Variants in INPP4A observed in about 807,000 individuals in gnomAD.
INPP4A encodes the protein inositol polyphosphate-4-phosphatase, type I, 107kD.
Under a neutral mutation model 119.8 loss-of-function variants are expected in INPP4A, and 33 were observed. That is an observed-to-expected ratio of 0.28 (90% CI 0.21 to 0.37). INPP4A has a LOEUF of 0.37. Ranked by LOEUF, INPP4A falls within the 10% of genes least tolerant of loss-of-function variation. The pLI, the probability that INPP4A is intolerant of heterozygous loss-of-function variation, is 1.00. For missense variants in INPP4A, 956 were observed against 1,289.9 expected, an observed-to-expected ratio of 0.74 and a Z score of 3.97; for synonymous variants, 496 against 500.7, an observed-to-expected ratio of 0.99 and a Z score of 0.12.
Position 98,470,885 on chromosome 2 carries a change from C to G in INPP4A, c.-166+25800C>G, listed in dbSNP as rs533118473. Among the ~76,000 whole-genome samples the G allele has an allele frequency of 3.3e-5, 5 of 152,250 alleles. No homozygotes were observed. In the East Asian group the frequency reaches 9.7e-4, roughly 29 times the overall value. On this transcript the variant is annotated intron_variant, in intron 1 of 24. Coordinates refer to ENST00000409851, the MANE Select transcript of INPP4A (RefSeq NM_001134225.2). The stretch of plus-strand genomic sequence containing the variant: ...GTTTCACCATGTTAGCCAGGCTGAT[C>G]TCGAACTCCTGACCTGGTGATCCAC...
At chr2:98,508,948 T>C (rs145679264) in intron 1 of INPP4A, among the ~76,000 whole-genome samples, 94 of 152,148 alleles carry the variant, frequency 6.2e-4, no homozygotes, top group African/African-American at 2.1e-3. Context: ...GAACACTGGG[T>C]TGATTCACCT....
At chr2:98,461,113 C>T (rs1697072392) in intron 1 of INPP4A, among the ~76,000 whole-genome samples, 1 of 152,144 alleles carries the variant, frequency 6.6e-6, no homozygotes, top group Admixed American at 6.5e-5. Flanking sequence ...ACAGTCAAGC[C>T]TGTGAGCCAG....
At chr2:98,454,520 G>C (rs1182191912) in intron 1 of INPP4A, among the ~76,000 whole-genome samples, 3 of 152,068 alleles carry the variant, frequency 2.0e-5, no homozygotes, top group African/African-American at 7.2e-5. Context: ...ACATAGGAGA[G>C]GGCTGTGAAC....
At chr2:98,511,163 G>A (rs6542806) in intron 1 of INPP4A, among the ~76,000 whole-genome samples, 36,738 of 151,864 alleles carry the variant, frequency 0.24, 4,888 homozygotes, top group African/African-American at 0.34. Context: ...GGGTTAAAGC[G>A]ATTCTTCTGC....
chr2:98,556,869 A>G (rs1397312783), intron 16 of INPP4A, among the ~76,000 whole-genome samples: 1 of 152,076 alleles, frequency 6.6e-6, no homozygotes, highest in African/African-American at 2.4e-5. Flanking sequence ...CCATCTCTCC[A>G]TCTATGGGGG....
chr2:98,457,594 C>T (rs761498213), intron 1 of INPP4A, among the ~76,000 whole-genome samples: 4 of 152,214 alleles, frequency 2.6e-5, no homozygotes, highest in Non-Finnish European at 4.4e-5. Context: ...GTGAACCTAA[C>T]TTAATTGACT....
In INPP4A at chr2:98,466,394, C is replaced by G. The variant is rs559106779; in HGVS notation, c.-166+21309C>G. 1.3e-3 allele frequency among the ~76,000 whole-genome samples: 196 copies of G among 152,376 alleles called. 1 individual carries two copies. The highest frequency in any genetic ancestry group is 4.5e-3 in the African/African-American group (186 of 41,586). On this transcript the variant is annotated intron_variant, in intron 1 of 24. Coordinates refer to ENST00000409851, the MANE Select transcript of INPP4A (RefSeq NM_001134225.2). Reference sequence around the variant, plus strand: ...CTGTAGAGCACTCACTGTGCACCAGCACCTGTTGGCTCAAGGGGGTGACAG... The same window carrying G: ...CTGTAGAGCACTCACTGTGCACCAGGACCTGTTGGCTCAAGGGGGTGACAG...
intron 8 of INPP4A, among the ~76,000 whole-genome samples, 195 bp from the exon 9 acceptor site, chr2:98,538,696 T>G (rs540170482): frequency 1.3e-5 from 2 of 152,374 alleles, no homozygotes; most frequent in Non-Finnish European, 2.9e-5. Flanking sequence ...TAGAGAATTG[T>G]GTGCGCATGA....
chr2:98,551,154 C>T (rs1404893902), intron 13 of INPP4A, among the ~76,000 whole-genome samples: 2 of 152,264 alleles, frequency 1.3e-5, no homozygotes, highest in African/African-American at 4.8e-5. Flanking sequence ...TGGGGTCTCA[C>T]GATGTTGCCC....
intron 4 of INPP4A, among the ~76,000 whole-genome samples, chr2:98,522,235 C>T (rs1351607404): frequency 6.8e-6 from 1 of 147,534 alleles, no homozygotes; most frequent in African/African-American, 2.5e-5. Flanking sequence ...TGCAGTGAGC[C>T]GAGATTGCAC....
chr2:98,575,538 T>C (rs1698270348), intron 23 of INPP4A, among the ~76,000 whole-genome samples: 1 of 152,218 alleles, frequency 6.6e-6, no homozygotes, highest in Admixed American at 6.5e-5. Flanking sequence ...TGTTATTTTT[T>C]TTTCTTTCTT....
intron 1 of INPP4A, among the ~76,000 whole-genome samples, chr2:98,445,300 C>G (rs976684584): frequency 1.3e-5 from 2 of 152,048 alleles, no homozygotes; most frequent in Admixed American, 1.3e-4. Flanking sequence ...CCCCCAGCCC[C>G]GTGAAGACGC....
At chr2:98,507,332 G>T (rs1046959644) in intron 1 of INPP4A, among the ~76,000 whole-genome samples, 2 of 152,162 alleles carry the variant, frequency 1.3e-5, no homozygotes, top group Non-Finnish European at 2.9e-5. Context: ...CTAAACAAAA[G>T]AGTTTATGAC....
rs369986599 is a variant in INPP4A, at chr2:98,566,041, C to T, written c.2292C>T (p.Asn764=). ...PVITGNRDGF[N]VRVPLPGPLF... is the part of the protein sequence containing the mutation. Reference sequence around the variant, plus strand: ...CACCTTTCTCCAGCGACGGGTTTAACGTGCGGGTCCCTCTGCCGGGCCCGC... The same window carrying T: ...CACCTTTCTCCAGCGACGGGTTTAATGTGCGGGTCCCTCTGCCGGGCCCGC... The change falls in exon 21 of 25, where the codon AAC becomes AAT. Residue 764 remains asparagine, a synonymous_variant. Transcript: ENST00000409851. The surrounding 1 kb of genome is among the most constrained non-coding windows in gnomAD (Gnocchi z 4.2). 20 of 1,606,070 alleles carry T rather than the reference C, an allele frequency of 1.2e-5. No homozygotes were observed. The highest frequency in any genetic ancestry group is 4.5e-5 in the East Asian group (2 of 44,294).
chr2:98,477,043 C>G (rs1677383711), intron 1 of INPP4A, among the ~76,000 whole-genome samples: 1 of 152,194 alleles, frequency 6.6e-6, no homozygotes, highest in East Asian at 1.9e-4. Flanking sequence ...GTGGCAAATA[C>G]TTAAGTAGCA....
rs1697126949 is a variant in INPP4A, at chr2:98,569,769, G to A, written c.2518+1101G>A. On this transcript the variant is annotated intron_variant, in intron 22 of 24. Transcript: ENST00000409851. The surrounding 1 kb of genome is among the most constrained non-coding windows in gnomAD (Gnocchi z 5.1). ...GAGAGAGTGATGCAGAACACTCCGG[G>A]GCTGGGCCAAGAAGTCGTGGCTTCA... 6.6e-6 allele frequency: 1 copy of A among 152,252 alleles called. No homozygotes were observed. The highest frequency in any genetic ancestry group is 2.1e-4 in the South Asian group (1 of 4,824). 9.4% of individuals were successfully genotyped at this position (152,252 alleles called of 1,614,324 possible).
Position 98,566,955 on chromosome 2 carries a change from G to T in INPP4A, c.2420+786G>T, listed in dbSNP as rs897713853. Among the ~76,000 whole-genome samples the T allele has an allele frequency of 9.2e-5, 14 of 152,162 alleles. No homozygotes were observed. Among genetic ancestry groups the T allele is most frequent in the African/African-American group, 3.1e-4 (13 of 41,424 alleles). On this transcript the variant is annotated intron_variant, in intron 21 of 24. Coordinates refer to ENST00000409851, the MANE Select transcript of INPP4A (RefSeq NM_001134225.2). The surrounding 1 kb of genome is among the most constrained non-coding windows in gnomAD (Gnocchi z 4.2). ...AATTTGGTTTCCAGAACAATATGCC[G>T]TGTTCCTGCTGGGCCTTCTGATGTC...
chr2:98,539,118 T>C lies in INPP4A; in HGVS notation c.670+137T>C. On this transcript the variant is annotated intron_variant, in intron 9 of 24. Coordinates refer to ENST00000409851, the MANE Select transcript of INPP4A (RefSeq NM_001134225.2). The stretch of plus-strand genomic sequence containing the variant: ...GTCACCTCTCTGCTGCTTATCATTG[T>C]GTTCTTTTTGCAGCATATAAAGAGT... 3 of 566,028 alleles carry C rather than the reference T, an allele frequency of 5.3e-6. 1 individual carries two copies. The South Asian group carries it at 8.2e-5, about 15-fold the overall frequency. The allele number at this position is 566,028 out of a possible 1,614,324, so 35.1% of individuals were successfully genotyped here.
intron 16 of INPP4A, among the ~76,000 whole-genome samples, chr2:98,556,414 C>CT (rs1373378477): frequency 6.6e-6 from 1 of 152,194 alleles, no homozygotes; most frequent in Non-Finnish European, 1.5e-5. Context: ...AGGACACTGG[C>CT]ATGAAGCAGC....
Sources: gnomAD v4.1 joint callset for allele counts (sites outside exome capture counted in the v4.1 genomes callset) on GRCh38, gnomAD v4.1.1 for gene constraint, Gnocchi (gnomAD v3.1) non-coding constraint, MANE v1.5 for transcripts, NCBI Gene and HGNC (gene_info 2026-07-23, HGNC 2026-07-21) for gene names.